The following CYP2A7 variants were observed in gnomAD, a reference collection of about 807,000 sequenced individuals.
CYP2A7 encodes the protein cytochrome P450 family 2 subfamily A member 7.
A neutral mutation model predicts 42.0 loss-of-function variants in CYP2A7; 36 were observed. The ratio of observed to expected loss-of-function variants is 0.86; its 90% CI spans 0.66 to 1.13. The LOEUF (loss-of-function observed/expected upper bound fraction) is 1.13. Ranked by LOEUF, CYP2A7 falls within the 50% of genes most tolerant of loss-of-function variation. The pLI is 0.00. For synonymous variants in CYP2A7, 260 were observed against 249.5 expected, an observed-to-expected ratio of 1.04 and a Z score of -0.40; for missense variants, 661 against 634.1, an observed-to-expected ratio of 1.04 and a Z score of -0.46.
At chr19:40,876,451 C>A in intron 8 of CYP2A7, 76 bp downstream of exon 8, 1 of 1,606,772 alleles carries the variant, frequency 6.2e-7, no homozygotes, top group South Asian at 1.1e-5. Context: ...CAGGCTACAC[C>A]GCAGAGAGGG....
At chr19:40,879,863 T>A (rs2545781) in intron 4 of CYP2A7, among the ~76,000 whole-genome samples, 4 of 149,200 alleles carry the variant, frequency 2.7e-5, no homozygotes, top group African/African-American at 9.8e-5. Flanking sequence ...TGAGGGTATG[T>A]ATCCTACCAG....
chr19:40,878,006 G>A lies in CYP2A7; in HGVS notation c.832-13C>T, dbSNP rs1967576078. 3 of 1,608,270 alleles carry A rather than the reference G, an allele frequency of 1.9e-6. No homozygotes were observed. Among genetic ancestry groups the A allele is most frequent in the East Asian group, 2.2e-5 (1 of 44,838 alleles). Reference sequence around the variant, plus strand: ...GGTTCTTCTCCTCCTGCAGGGAGAGGGGGCTTTAGGCCAACCTCACTCCTC... The same window carrying A: ...GGTTCTTCTCCTCCTGCAGGGAGAGAGGGCTTTAGGCCAACCTCACTCCTC... On this transcript the variant is annotated splice_polypyrimidine_tract_variant and intron_variant, in intron 5 of 8. Coordinates refer to ENST00000301146, the MANE Select transcript of CYP2A7 (RefSeq NM_000764.3).
intron 5 of CYP2A7, 59 bp from the exon 6 acceptor site, chr19:40,878,052 G>A: frequency 5.1e-6 from 8 of 1,553,798 alleles, no homozygotes; most frequent in Non-Finnish European, 7.0e-6. Flanking sequence ...GGCCCTTCTA[G>A]GGCTTTTCCT....
chr19:40,882,050 A>G lies in CYP2A7; in HGVS notation c.161T>C (p.Ile54Thr), dbSNP rs768972108. 1.9e-6 allele frequency: 3 copies of G among 1,613,710 alleles called. No individual in the cohort carries two copies. The East Asian group carries it at 6.7e-5, about 36-fold the overall frequency. The change falls in exon 1 of 9, where the codon ATA (isoleucine) becomes ACA (threonine). Residue 54 changes from isoleucine to threonine, a missense_variant. Ile to Thr is a moderately conservative substitution (Grantham distance 89). Around this residue, in one of 3 missense-constraint regions of CYP2A7, gnomAD observed 614 missense variants for 552.4 expected, o/e 1.11. Transcript: ENST00000301146. ...GNYLQLNTEHICDSIMKFSEC... is the reference protein window; with the variant it reads ...GNYLQLNTEHTCDSIMKFSEC... The stretch of plus-strand genomic sequence containing the variant: ...GGACACCTTCATGATGGAGTCACAT[A>G]TGTGCTCTGTGTTCAGCTGGAGGTA...
rs1967516575 is a variant in CYP2A7, at chr19:40,875,813, G to C, written c.1365C>G (p.Thr455=). 1.4e-5 allele frequency: 23 copies of C among 1,596,980 alleles called. No individual in the cohort carries two copies. Among genetic ancestry groups the C allele is most frequent in the Non-Finnish European group, 1.9e-5 (22 of 1,168,952 alleles). The change falls in exon 9 of 9, where the codon ACC becomes ACG. Residue 455 remains threonine, a synonymous_variant. Coordinates refer to ENST00000301146, the MANE Select transcript of CYP2A7 (RefSeq NM_000764.3). ...ACTTGAGGCGGAAGTTCTGCATGAC[G>C]GTGGTGAAGAAGAGAAAGAGCTCCA... is the stretch of plus-strand genomic sequence containing the variant. ...ARMELFLFFT[T]VMQNFRLKSS...
rs754459090 is a variant in CYP2A7 at position 40,880,541 on chromosome 19, C to T, written c.431G>A (p.Gly144Asp). ...CTCCTCCTGGATGCGCTCCTCGATG[C>T]CTCGCTTGCCCACCCCGAAGTCCCT... ...TLRDFGVGKR[G>D]IEERIQEESG... The change falls in exon 3 of 9, where the codon GGC becomes GAC. Residue 144 changes from glycine to aspartate, a missense_variant. Transcript: ENST00000301146. The T allele has an allele frequency of 6.2e-7, 1 of 1,611,986 alleles. No individual in the cohort carries two copies. The highest frequency in any genetic ancestry group is 1.7e-5 in the Admixed American group (1 of 59,782).
In CYP2A7 at chr19:40,882,199, T is replaced by G; in HGVS notation, c.12A>C (p.Ser4=). The G allele has an allele frequency of 6.2e-7, 1 of 1,613,788 alleles. No homozygotes were observed. Among genetic ancestry groups the G allele is most frequent in the Non-Finnish European group, 8.5e-7 (1 of 1,179,756 alleles). Reference sequence around the variant, plus strand: ...CCAGCAAGGCCACCAGAAGCAGCCCTGAGGCCAGCATGGTGGTAGTGAGAT... The same window carrying G: ...CCAGCAAGGCCACCAGAAGCAGCCCGGAGGCCAGCATGGTGGTAGTGAGAT... MLA[S]GLLLVALLAC... The change falls in exon 1 of 9, where the codon TCA becomes TCC. Residue 4 remains serine (S), a synonymous_variant. Coordinates refer to ENST00000301146, the MANE Select transcript of CYP2A7 (RefSeq NM_000764.3).
chr19:40,880,014 C>T, intron 4 of CYP2A7, 70 bp downstream of exon 4: 2 of 1,588,764 alleles, frequency 1.3e-6, no homozygotes, highest in Non-Finnish European at 1.7e-6. Context: ...TTTGGGGCAC[C>T]TGTCTCCAGG....
chr19:40,877,934 G>T lies in CYP2A7; in HGVS notation c.891C>A (p.Asn297Lys), dbSNP rs773803639. The T allele has an allele frequency of 6.2e-7, 1 of 1,612,650 alleles. No individual in the cohort carries two copies. Among genetic ancestry groups the T allele is most frequent in the Admixed American group, 1.7e-5 (1 of 59,806 alleles). ...YLKNLMMSTL[N>K]LFIAGTETVS... is the part of the protein sequence containing the mutation. ...CCGTCTCGGTGCCTGCAATGAAGAG[G>T]TTCAACGTGCTCATCATCAGGTTCT... Residue 297 changes from asparagine (N) to lysine (K), a missense_variant, in exon 6 of 9, where the codon AAC (asparagine) becomes AAA (lysine). Around this residue, in one of 3 missense-constraint regions of CYP2A7, gnomAD observed 614 missense variants for 552.4 expected, o/e 1.11. Transcript: ENST00000301146.
chr19:40,877,024 G>C (rs531265866), intron 7 of CYP2A7, 166 bp downstream of exon 7: 8 of 762,168 alleles, frequency 1.0e-5, no homozygotes, highest in Non-Finnish European at 1.7e-5. Context: ...CAGGACTCAG[G>C]AGTGTCTAAG....
rs753373426 is a variant in CYP2A7 at position 40,878,898 on chromosome 19, T to C, written c.693A>G (p.Pro231=). 4 of 1,610,416 alleles carry C rather than the reference T, an allele frequency of 2.5e-6. No individual in the cohort carries two copies. The South Asian group carries it at 4.4e-5, about 18-fold the overall frequency. ...ACTTAAAGGCCTGTTGCTGTGGTCC[T>C]GGCAGGTGTTTCATCACCGAAGAGA... ...EMFSSVMKHL[P]GPQQQAFKLL... Residue 231 remains proline (P), a synonymous_variant, in exon 5 of 9, where the codon CCA becomes CCG. Coordinates refer to ENST00000301146, the MANE Select transcript of CYP2A7 (RefSeq NM_000764.3).
Position 40,878,786 on chromosome 19 carries a change from C to A in CYP2A7, c.805G>T (p.Asp269Tyr), listed in dbSNP as rs534092727. The part of the protein sequence containing the change: ...LDPNSPQDFI[D>Y]SFLIHMQEEE... ...TCCTGCATGTGGATGAGAAAGGAGTCGATGAAGTCCTGTGGGGAATTGGGA... is the reference window on the plus strand; with the variant it reads ...TCCTGCATGTGGATGAGAAAGGAGTAGATGAAGTCCTGTGGGGAATTGGGA... The change falls in exon 5 of 9, where the codon GAC (aspartate) becomes TAC (tyrosine). Residue 269 changes from aspartate (D) to tyrosine (Y), a missense_variant. Physicochemically the swap from Asp to Tyr is radical, Grantham distance 160. Around this residue, in one of 3 missense-constraint regions of CYP2A7, gnomAD observed 614 missense variants for 552.4 expected, o/e 1.11. Transcript: ENST00000301146. 1 of 1,611,392 alleles carries A rather than the reference C, an allele frequency of 6.2e-7. No individual in the cohort carries two copies. The highest frequency in any genetic ancestry group is 1.1e-5 in the South Asian group (1 of 90,860).
chr19:40,879,468 G>A (rs1361788119), intron 4 of CYP2A7, among the ~76,000 whole-genome samples: 4 of 151,810 alleles, frequency 2.6e-5, no homozygotes, highest in South Asian at 2.1e-4. Flanking sequence ...ATCCAAGTGC[G>A]ATGCACAGGG....
chr19:40,878,259 C>G (rs1469356761), intron 5 of CYP2A7, among the ~76,000 whole-genome samples: 1 of 151,628 alleles, frequency 6.6e-6, no homozygotes, highest in South Asian at 2.1e-4. Flanking sequence ...CTTACACTGA[C>G]TTGGTCTTGC....
Position 40,880,069 on chromosome 19 carries a change from G to A in CYP2A7, c.654+15C>T, listed in dbSNP as rs1331962173. 1.2e-6 allele frequency: 2 copies of A among 1,611,862 alleles called. No homozygotes were observed. Among genetic ancestry groups the A allele is most frequent in the Non-Finnish European group, 8.5e-7 (1 of 1,178,462 alleles). On this transcript the variant is annotated intron_variant, in intron 4 of 8. Transcript: ENST00000301146. The stretch of plus-strand genomic sequence containing the variant: ...TTGTGGTAGGGGCGTCACGGGCCGG[G>A]CTGCAGCCAGTTACCTGCCCCGTGG...
intron 8 of CYP2A7, among the ~76,000 whole-genome samples, chr19:40,876,125 A>T (rs535700270): frequency 6.6e-6 from 1 of 151,980 alleles, no homozygotes; most frequent in East Asian, 1.9e-4. Context: ...ACTCTGTGTT[A>T]TACAGTTCTA....
Position 40,880,798 on chromosome 19 carries a change from GGAGAGAGAGAGA to G in CYP2A7, c.344-182_344-171del, listed in dbSNP as rs1171374070. Among the ~76,000 whole-genome samples, 25 of 27,444 alleles carry G rather than the reference GGAGAGAGAGAGA, an allele frequency of 9.1e-4. 1 individual carries two copies. Among genetic ancestry groups the G allele is most frequent in the East Asian group, 4.2e-3 (5 of 1,188 alleles). 18.0% of individuals were successfully genotyped at this position (27,444 alleles called of 152,430 possible). A position where few individuals can be genotyped will look rare whatever the true frequency, so the allele number is the denominator to read the frequency against. On this transcript the variant is annotated intron_variant, in intron 2 of 8. Coordinates refer to ENST00000301146, the MANE Select transcript of CYP2A7 (RefSeq NM_000764.3). ...GCAAACTCAGTCAGAGAAACACGAG[GGAGAGAGAGAGA>G]GAGAGAGAGAGAGAGAGAGAGAGAG... is the stretch of plus-strand genomic sequence containing the variant.
intron 2 of CYP2A7, among the ~76,000 whole-genome samples, chr19:40,880,850 A>G (rs865992508): frequency 2.8e-4 from 30 of 108,070 alleles, no homozygotes; most frequent in South Asian, 5.5e-4. Flanking sequence ...AGAGAGAGAG[A>G]GAGAGAGAGA....
At chr19:40,880,280 A>G (rs372170512) in intron 3 of CYP2A7, 36 bp from the exon 4 acceptor site, 10 of 1,610,378 alleles carry the variant, frequency 6.2e-6, no homozygotes, top group Non-Finnish European at 8.5e-6. Context: ...TTGGGGAGAG[A>G]GTCAACTCAG....
Sources: allele counts gnomAD v4.1 joint callset (sites outside exome capture counted in the v4.1 genomes callset), GRCh38; gene constraint gnomAD v4.1.1; regional missense constraint gnomAD v4.1.1; transcripts MANE v1.5; gene names NCBI Gene and HGNC (gene_info 2026-07-23, HGNC 2026-07-21).